The following SDK1 variants were observed in gnomAD, a reference collection of about 807,000 sequenced individuals.
SDK1 encodes the protein sidekick cell adhesion molecule 1.
Under a neutral mutation model 245.5 loss-of-function variants are expected in SDK1, and 157 were observed. The ratio of observed to expected loss-of-function variants is 0.64; its 90% CI spans 0.56 to 0.73. The LOEUF is 0.73. SDK1 is among the 30% of genes least tolerant of loss of function. The probability of loss-of-function intolerance (pLI) is 0.00; values close to 1 mark genes in which losing one functional copy is unlikely to be tolerated. For synonymous variants in SDK1, 1,647 were observed against 1,278.5 expected (o/e 1.29, Z -6.15); for missense variants, 3,583 against 3,002.3 (o/e 1.19, Z -4.52).
rs187604056 is a variant in SDK1 at position 3,514,135 on chromosome 7, A to G, written c.299-104945A>G. 2.4e-3 allele frequency among the ~76,000 whole-genome samples: 370 copies of G among 152,306 alleles called. 3 individuals carry two copies. Among genetic ancestry groups the G allele is most frequent in the South Asian group, 0.018 (88 of 4,824 alleles). ...GAGAGGGACGACAAGACAGGTTATCAGTGTTTCAGAGCAAATGTCTTTAGA... is the reference window on the plus strand; with the variant it reads ...GAGAGGGACGACAAGACAGGTTATCGGTGTTTCAGAGCAAATGTCTTTAGA... On this transcript the variant is annotated intron_variant, in intron 1 of 44. Coordinates refer to ENST00000404826, the MANE Select transcript of SDK1 (RefSeq NM_152744.4).
chr7:4,188,284 G>T (rs1324903828), intron 35 of SDK1, among the ~76,000 whole-genome samples: 3 of 152,180 alleles, frequency 2.0e-5, no homozygotes, highest in Non-Finnish European at 4.4e-5. Context: ...CTTCTGATTG[G>T]TTGGGCTTAA....
chr7:3,794,071 C>G (rs1778902396), intron 4 of SDK1, among the ~76,000 whole-genome samples: 1 of 152,166 alleles, frequency 6.6e-6, no homozygotes, highest in Non-Finnish European at 1.5e-5. Flanking sequence ...TATCTTTATA[C>G]AATTGAATGC....
intron 4 of SDK1, among the ~76,000 whole-genome samples, chr7:3,763,914 T>C (rs559810622): frequency 6.6e-6 from 1 of 152,284 alleles, no homozygotes; most frequent in East Asian, 1.9e-4. Context: ...CATTAAGGTA[T>C]GAAATATCAC....
At chr7:3,536,989 T>C (rs1778907812) in intron 1 of SDK1, among the ~76,000 whole-genome samples, 1 of 152,218 alleles carries the variant, frequency 6.6e-6, no homozygotes, top group Non-Finnish European at 1.5e-5. Flanking sequence ...CTCTATTTTT[T>C]TAATTGAAGT....
At chr7:4,127,560 C>T (rs764744863) in intron 26 of SDK1, 64 bp downstream of exon 26, 27 of 1,205,322 alleles carry the variant, frequency 2.2e-5, no homozygotes, top group Non-Finnish European at 3.2e-5. Flanking sequence ...GGAGCATGTG[C>T]TATTCCCCCA....
chr7:4,245,791 G>A lies in SDK1; in HGVS notation c.6367G>A (p.Ala2123Thr). Residue 2123 changes from alanine to threonine, a missense_variant, in exon 44 of 45, where the codon GCA becomes ACA. Transcript: ENST00000404826. ...GAGCCTCAAGGAGAAGTCGGCAGATGCATCAGAATCTGAGGTCAGTGTCGG... is the reference window on the plus strand; with the variant it reads ...GAGCCTCAAGGAGAAGTCGGCAGATACATCAGAATCTGAGGTCAGTGTCGG... ...SVSLKEKSAD[A>T]SESEATDSDY... The A allele has an allele frequency of 1.2e-6, 2 of 1,613,932 alleles. No individual in the cohort carries two copies. Among genetic ancestry groups the A allele is most frequent in the Middle Eastern group, 1.7e-4 (1 of 6,058 alleles).
chr7:3,399,866 A>C (rs1417092213), intron 1 of SDK1, among the ~76,000 whole-genome samples: 1 of 152,098 alleles, frequency 6.6e-6, no homozygotes, highest in Non-Finnish European at 1.5e-5. Flanking sequence ...TCTCCCATTT[A>C]AATTTTTGGC....
At chr7:4,162,546 C>T (rs2128213046) in intron 32 of SDK1, among the ~76,000 whole-genome samples, 1 of 152,014 alleles carries the variant, frequency 6.6e-6, no homozygotes, top group East Asian at 1.9e-4. Flanking sequence ...ATTACAGGCG[C>T]ATGCCCCTAC....
chr7:3,894,358 C>G lies in SDK1; in HGVS notation c.848-56565C>G, dbSNP rs1045168577. On this transcript the variant is annotated intron_variant, in intron 5 of 44. Transcript: ENST00000404826. Reference sequence around the variant, plus strand: ...CAACCTGAGCCAGGAGGTCTGGCGACTACAATGTTTGAGTGAAGCTGTGAG... The same window carrying G: ...CAACCTGAGCCAGGAGGTCTGGCGAGTACAATGTTTGAGTGAAGCTGTGAG... Among the ~76,000 whole-genome samples the G allele has an allele frequency of 2.6e-5, 4 of 151,872 alleles. No individual in the cohort carries two copies. In the South Asian group the frequency reaches 8.3e-4, roughly 32 times the overall value.
chr7:3,470,721 G>C (rs551806999), intron 1 of SDK1, among the ~76,000 whole-genome samples: 2 of 152,278 alleles, frequency 1.3e-5, no homozygotes, highest in South Asian at 2.1e-4. Flanking sequence ...GCCAGCAGGA[G>C]AATCCAGTTT....
Position 3,526,267 on chromosome 7 carries a change from T to A in SDK1, c.299-92813T>A, listed in dbSNP as rs542743535. The stretch of plus-strand genomic sequence containing the variant: ...AAAAAAAAAATCACACTGTGACCTT[T>A]ATAGGATATCTTTTTACTGTCCAGT... On this transcript the variant is annotated intron_variant, in intron 1 of 44. Coordinates refer to ENST00000404826, the MANE Select transcript of SDK1 (RefSeq NM_152744.4). 3.9e-5 allele frequency among the ~76,000 whole-genome samples: 6 copies of A among 152,250 alleles called. No homozygotes were observed. The South Asian group carries it at 1.2e-3, about 32-fold the overall frequency.
chr7:3,582,683 T>TAAAAAAAGAAAAAAAAAAAAAAA (rs1780545755), intron 1 of SDK1, among the ~76,000 whole-genome samples: 1 of 69,672 alleles, frequency 1.4e-5, no homozygotes, highest in Non-Finnish European at 2.7e-5. Flanking sequence ...TAAACTAAAG[T>TAAAAAAAGAAAAAAAAAAAAAAA]AAAAAAAAAA....
At chr7:4,128,867 G>A (rs1784576718) in intron 26 of SDK1, among the ~76,000 whole-genome samples, 2 of 136,492 alleles carry the variant, frequency 1.5e-5, no homozygotes, top group African/African-American at 2.8e-5. Flanking sequence ...AGAGCAGCTT[G>A]GGGTGGGGTG....
At position 4,057,309 on chromosome 7, in the gene SDK1, T is replaced by C. The variant is rs554118924; in HGVS notation, c.2911+5479T>C. On this transcript the variant is annotated intron_variant, in intron 19 of 44. Coordinates refer to ENST00000404826, the MANE Select transcript of SDK1 (RefSeq NM_152744.4). ...ACTATCCAGGGCCCTGGGCTCACCC[T>C]GCCCTGTCCACCACTATGAGCACCT... is the stretch of plus-strand genomic sequence containing the variant. 2.0e-5 allele frequency among the ~76,000 whole-genome samples: 3 copies of C among 152,276 alleles called. No individual in the cohort carries two copies. In the South Asian group the frequency reaches 6.2e-4, roughly 32 times the overall value.
intron 13 of SDK1, among the ~76,000 whole-genome samples, chr7:3,982,762 C>T (rs1783513616): frequency 6.6e-6 from 1 of 152,120 alleles, no homozygotes; most frequent in Admixed American, 6.5e-5. Context: ...AGGGCATGAA[C>T]CCAGGAGGCG....
At chr7:3,821,085 C>A (rs1262647359) in intron 4 of SDK1, among the ~76,000 whole-genome samples, 3 of 152,134 alleles carry the variant, frequency 2.0e-5, no homozygotes, top group East Asian at 1.9e-4. Flanking sequence ...GGTGGTCCAG[C>A]CTTCTAATTG....
intron 5 of SDK1, among the ~76,000 whole-genome samples, chr7:3,947,934 G>A (rs1780644768): frequency 6.6e-6 from 1 of 151,836 alleles, no homozygotes; most frequent in Non-Finnish European, 1.5e-5. Flanking sequence ...AGGGAGAGGG[G>A]GTATGGTTTT....
At chr7:3,577,475 C>T (rs539207628) in intron 1 of SDK1, among the ~76,000 whole-genome samples, 7 of 151,940 alleles carry the variant, frequency 4.6e-5, no homozygotes, top group African/African-American at 1.7e-4. Context: ...GCTTTCATGC[C>T]CTACAGGATG....
chr7:3,942,152 C>CA (rs1315778258), intron 5 of SDK1, among the ~76,000 whole-genome samples: 3 of 152,176 alleles, frequency 2.0e-5, no homozygotes, highest in Non-Finnish European at 4.4e-5. Flanking sequence ...ATGATCCGCC[C>CA]ACCCAAGCCT....
Sources: allele counts gnomAD v4.1 joint callset (sites outside exome capture counted in the v4.1 genomes callset), GRCh38; gene constraint gnomAD v4.1.1; transcripts MANE v1.5; gene names NCBI Gene and HGNC (gene_info 2026-07-23, HGNC 2026-07-21).